DPP4: variants seen among roughly 807,000 people sequenced by gnomAD.
The protein encoded by DPP4 is ADCP-2.
In DPP4, 93 loss-of-function variants were observed where a neutral mutation model predicts 122.4. The observed-to-expected ratio is 0.76, with a 90% CI of 0.64 to 0.90. The LOEUF (loss-of-function observed/expected upper bound fraction) is 0.90. Among genes scored for constraint, DPP4 ranks in the 40% least tolerant of loss-of-function variants. The probability of loss-of-function intolerance (pLI) is 0.00; values close to 1 mark genes in which losing one functional copy is unlikely to be tolerated. For synonymous variants in DPP4, 321 were observed against 302.9 expected, an observed-to-expected ratio of 1.06 and a Z score of -0.62; for missense variants, 914 against 907.3, an observed-to-expected ratio of 1.01 and a Z score of -0.09.
At position 162,014,381 on chromosome 2, in the gene DPP4, C is replaced by A. The variant is rs1046754104; in HGVS notation, c.1637+15G>T. 2 of 1,596,622 alleles carry A rather than the reference C, an allele frequency of 1.3e-6. No individual in the cohort carries two copies. Among genetic ancestry groups the A allele is most frequent in the African/African-American group, 1.3e-5 (1 of 74,260 alleles). On this transcript the variant is annotated intron_variant, in intron 19 of 25. Transcript: ENST00000360534. The stretch of plus-strand genomic sequence containing the variant: ...CTCAATACTTCTAAATTGCTCCCTT[C>A]TCTTGAATACTTACACATCTAATAG...
chr2:162,070,944 C>T (rs1010133916), intron 2 of DPP4, among the ~76,000 whole-genome samples: 1 of 152,138 alleles, frequency 6.6e-6, no homozygotes, highest in Admixed American at 6.5e-5. Flanking sequence ...CTTAGCCACC[C>T]TCTCCTTTAC....
chr2:162,053,265 C>A (rs1157220288), intron 2 of DPP4, among the ~76,000 whole-genome samples: 2 of 152,200 alleles, frequency 1.3e-5, no homozygotes, highest in Non-Finnish European at 2.9e-5. Context: ...GGAACAACAA[C>A]CCTGAAGGCA....
intron 11 of DPP4, 37 bp from the exon 12 acceptor site, chr2:162,022,836 A>C (rs1336882645): frequency 6.2e-7 from 1 of 1,609,548 alleles, no homozygotes. Context: ...CATTTCAAAG[A>C]GAAGTCAGAT....
chr2:162,069,883 A>G (rs1235939550), intron 2 of DPP4, among the ~76,000 whole-genome samples: 1 of 152,230 alleles, frequency 6.6e-6, no homozygotes, highest in Non-Finnish European at 1.5e-5. Context: ...AAGGTATAGA[A>G]GAAATTTACC....
intron 16 of DPP4, chr2:162,017,572 G>A (rs1682970000): frequency 6.1e-6 from 1 of 163,056 alleles, no homozygotes; most frequent in Non-Finnish European, 1.3e-5. Context: ...GCCTCCCTAG[G>A]GAGGGACAGA....
At chr2:162,020,804 T>C in intron 12 of DPP4, 116 bp from the exon 13 acceptor site, 2 of 583,374 alleles carry the variant, frequency 3.4e-6, no homozygotes, top group Non-Finnish European at 5.8e-6. Context: ...GCTCCATTTA[T>C]ATGCCAAATT....
chr2:162,007,764 A>C (rs923296361), intron 22 of DPP4, among the ~76,000 whole-genome samples: 2 of 152,164 alleles, frequency 1.3e-5, no homozygotes, highest in African/African-American at 4.8e-5. Flanking sequence ...TTTTCTTAAC[A>C]GAAAGATATA....
intron 5 of DPP4, among the ~76,000 whole-genome samples, chr2:162,043,443 G>A (rs1422441262): frequency 6.6e-6 from 1 of 152,156 alleles, no homozygotes; most frequent in Admixed American, 6.5e-5. Context: ...TAGATGGCAG[G>A]GGGAAGGGGA....
chr2:162,031,569 C>T (rs536746251), intron 10 of DPP4, among the ~76,000 whole-genome samples: 3 of 152,278 alleles, frequency 2.0e-5, no homozygotes, highest in Non-Finnish European at 4.4e-5. Flanking sequence ...CTGGGAAGCA[C>T]TGACTTTTCC....
At chr2:162,055,803 A>G (rs756395805) in intron 2 of DPP4, among the ~76,000 whole-genome samples, 3 of 152,338 alleles carry the variant, frequency 2.0e-5, no homozygotes, top group Middle Eastern at 3.4e-3. Flanking sequence ...TCATTTTCCA[A>G]TGTGTCCACC....
Position 162,074,124 on chromosome 2 carries a change from T to C in DPP4, c.-143A>G. On this transcript the variant is annotated 5_prime_UTR_variant, in exon 1 of 26. It removes an upstream start codon present in the reference 5' UTR. Transcript: ENST00000360534. ...GCAAGTTTCGGCCCCGAGTTAAACA[T>C]TAGTGAGCGCCGAGCCCGCTGGGTA... The C allele has an allele frequency of 1.4e-6, 2 of 1,425,208 alleles. No individual in the cohort carries two copies. The highest frequency in any genetic ancestry group is 9.2e-7 in the Non-Finnish European group (1 of 1,089,146). 88.3% of individuals were successfully genotyped at this position (1,425,208 alleles called of 1,614,324 possible).
chr2:162,008,108 A>G (rs1213034665), intron 22 of DPP4, among the ~76,000 whole-genome samples: 1 of 152,020 alleles, frequency 6.6e-6, no homozygotes, highest in African/African-American at 2.4e-5. Context: ...GCTTTCACCT[A>G]TTAAGAATGA....
At chr2:162,071,007 C>T (rs1410189750) in intron 2 of DPP4, among the ~76,000 whole-genome samples, 2 of 152,142 alleles carry the variant, frequency 1.3e-5, no homozygotes, top group East Asian at 3.9e-4. Flanking sequence ...TTCTGAGTAG[C>T]TCTGGAGCCT....
intron 2 of DPP4, among the ~76,000 whole-genome samples, chr2:162,047,728 T>C (rs1684239485): frequency 6.6e-6 from 1 of 152,194 alleles, no homozygotes; most frequent in Admixed American, 6.5e-5. Context: ...TGCTGTATTA[T>C]GCTATATTAG....
chr2:161,999,072 C>T (rs920859618), intron 23 of DPP4, among the ~76,000 whole-genome samples: 6 of 152,038 alleles, frequency 3.9e-5, no homozygotes, highest in Non-Finnish European at 5.9e-5. Context: ...AGACATACAC[C>T]CACTTTAAGG....
intron 18 of DPP4, among the ~76,000 whole-genome samples, chr2:162,015,154 C>T (rs1444823439): frequency 6.6e-6 from 1 of 152,114 alleles, no homozygotes; most frequent in Non-Finnish European, 1.5e-5. Flanking sequence ...ACTAATAGAT[C>T]TATAAAAAAG....
chr2:162,022,633 A>G, intron 12 of DPP4, 122 bp downstream of exon 12: 2 of 902,938 alleles, frequency 2.2e-6, no homozygotes, highest in Non-Finnish European at 3.6e-6. Context: ...ATATTTTGAG[A>G]AATAGGTTAA....
At position 162,016,856 on chromosome 2, in the gene DPP4, G is replaced by T. The variant is rs1248269578; in HGVS notation, c.1479C>A (p.Val493=). The T allele has an allele frequency of 1.2e-6, 2 of 1,611,162 alleles. No homozygotes were observed. Among genetic ancestry groups the T allele is most frequent in the South Asian group, 1.1e-5 (1 of 90,092 alleles). ...HSSVNDKGLR[V]LEDNSALDKM... ...TATCCAAAGCTGAATTGTCTTCCAG[G>T]ACTCTCAGCCCTAAAGAAATACAGG... Residue 493 remains valine, a synonymous_variant, in exon 18 of 26, where the codon GTC becomes GTA. Coordinates refer to ENST00000360534, the MANE Select transcript of DPP4 (RefSeq NM_001935.4).
At chr2:162,008,247 G>A (rs1701334078) in intron 22 of DPP4, among the ~76,000 whole-genome samples, 1 of 152,074 alleles carries the variant, frequency 6.6e-6, no homozygotes, top group South Asian at 2.1e-4. Context: ...CTGCTAATAT[G>A]TGAAACCCAA....
Sources: allele counts gnomAD v4.1 joint callset (sites outside exome capture counted in the v4.1 genomes callset), GRCh38; gene constraint gnomAD v4.1.1; transcripts MANE v1.5; gene names NCBI Gene and HGNC (gene_info 2026-07-23, HGNC 2026-07-21).